Variants in KCNMB2 observed in about 807,000 individuals in gnomAD.
KCNMB2 encodes potassium calcium-activated channel subfamily M regulatory beta subunit 2, also known as calcium-activated potassium channel subunit beta-2.
KCNMB2 carries 9 observed loss-of-function variants against 24.5 expected under a neutral mutation model. That is an observed-to-expected ratio of 0.37 (90% CI 0.22 to 0.64). KCNMB2 has a LOEUF of 0.64. Ranked by LOEUF, KCNMB2 falls within the 30% of genes least tolerant of loss-of-function variation. The pLI is 0.63. For synonymous variants in KCNMB2, 109 were observed against 104.4 expected (o/e 1.04, Z -0.27); for missense variants, 226 against 284.3 (o/e 0.79, Z 1.47).
At chr3:178,642,944 G>A (rs758744426) in intron 1 of KCNMB2, among the ~76,000 whole-genome samples, 5 of 152,182 alleles carry the variant, frequency 3.3e-5, no homozygotes, top group Non-Finnish European at 5.9e-5. Flanking sequence ...TTCCCCACCT[G>A]CAGAAGACGT....
At chr3:178,542,063 T>C (rs1381331402) in intron 1 of KCNMB2, among the ~76,000 whole-genome samples, 2 of 152,198 alleles carry the variant, frequency 1.3e-5, no homozygotes, top group Non-Finnish European at 2.9e-5. Flanking sequence ...GGGCCACGTG[T>C]GTCAGGGATG....
rs1023775676 is a variant in KCNMB2, at chr3:178,705,932, G to T, written c.-67-101411G>T. ...AAACATAGACATAGAAGCGGAGGAAGAAAGGCACAAATGTAGAAGACATAC... is the reference window on the plus strand; with the variant it reads ...AAACATAGACATAGAAGCGGAGGAATAAAGGCACAAATGTAGAAGACATAC... On this transcript the variant is annotated intron_variant, in intron 1 of 4. Coordinates refer to ENST00000452583, the MANE Select transcript of KCNMB2 (RefSeq NM_181361.3). 1.5e-4 allele frequency among the ~76,000 whole-genome samples: 23 copies of T among 152,120 alleles called. 1 individual carries two copies. The highest frequency in any genetic ancestry group is 2.9e-5 in the Non-Finnish European group (2 of 68,002).
At chr3:178,611,712 A>G (rs879821630) in intron 1 of KCNMB2, among the ~76,000 whole-genome samples, 4 of 152,026 alleles carry the variant, frequency 2.6e-5, no homozygotes, top group Admixed American at 6.5e-5. Flanking sequence ...CTCACAAAAA[A>G]CAAACAAACA....
intron 1 of KCNMB2, among the ~76,000 whole-genome samples, chr3:178,745,694 T>A (rs1201153517): frequency 1.3e-5 from 2 of 152,188 alleles, no homozygotes; most frequent in African/African-American, 4.8e-5. Context: ...ACTTCCTAGA[T>A]ACAATGGGGG....
At chr3:178,815,226 A>C (rs1210633702) in intron 2 of KCNMB2, among the ~76,000 whole-genome samples, 1 of 151,980 alleles carries the variant, frequency 6.6e-6, no homozygotes, top group Non-Finnish European at 1.5e-5. Context: ...GCAGCCTTGA[A>C]ATCCTGGGCT....
At chr3:178,775,853 T>C (rs1337200933) in intron 1 of KCNMB2, among the ~76,000 whole-genome samples, 1 of 152,178 alleles carries the variant, frequency 6.6e-6, no homozygotes, top group Non-Finnish European at 1.5e-5. Flanking sequence ...TCTCTATGTA[T>C]CTCGAGGGAG....
chr3:178,654,989 A>G (rs1720269128), intron 1 of KCNMB2, among the ~76,000 whole-genome samples: 1 of 151,956 alleles, frequency 6.6e-6, no homozygotes, highest in Non-Finnish European at 1.5e-5. Flanking sequence ...AAATGAGATC[A>G]AATAAGGTTA....
At chr3:178,611,380 T>C (rs1196738489) in intron 1 of KCNMB2, among the ~76,000 whole-genome samples, 1 of 152,106 alleles carries the variant, frequency 6.6e-6, no homozygotes, top group Non-Finnish European at 1.5e-5. Flanking sequence ...TTTGTCCGGC[T>C]AAAGGTTGGT....
chr3:178,701,580 AAAC>A (rs1169318085), intron 1 of KCNMB2, among the ~76,000 whole-genome samples: 3 of 149,618 alleles, frequency 2.0e-5, no homozygotes, highest in Admixed American at 6.6e-5. Context: ...AGAAAAAAAC[AAAC>A]AACCCCATCA....
At chr3:178,641,864 T>C (rs1437713062) in intron 1 of KCNMB2, among the ~76,000 whole-genome samples, 1 of 152,160 alleles carries the variant, frequency 6.6e-6, no homozygotes, top group East Asian at 1.9e-4. Context: ...TTATCATGAA[T>C]GGGTAAATCT....
intron 1 of KCNMB2, among the ~76,000 whole-genome samples, chr3:178,616,168 C>A (rs1298926705): frequency 1.3e-5 from 2 of 152,248 alleles, no homozygotes; most frequent in South Asian, 2.1e-4. Context: ...CCCTTGGCAG[C>A]CCCAGCTGAT....
chr3:178,825,185 T>C (rs924767294), intron 2 of KCNMB2, among the ~76,000 whole-genome samples: 1 of 152,242 alleles, frequency 6.6e-6, no homozygotes, highest in African/African-American at 2.4e-5. Context: ...CAATGCTCCA[T>C]TAGGTATTCC....
At chr3:178,842,134 C>G (rs1451336055) in intron 4 of KCNMB2, among the ~76,000 whole-genome samples, 1 of 151,966 alleles carries the variant, frequency 6.6e-6, no homozygotes, top group African/African-American at 2.4e-5. Context: ...ATGACAGTTG[C>G]AAAGTAACCA....
At chr3:178,650,879 T>G (rs1720091317) in intron 1 of KCNMB2, among the ~76,000 whole-genome samples, 1 of 152,182 alleles carries the variant, frequency 6.6e-6, no homozygotes, top group East Asian at 1.9e-4. Flanking sequence ...CTAAAAACTC[T>G]CAATAAACTA....
chr3:178,655,095 CCT>C (rs67468527), intron 1 of KCNMB2, among the ~76,000 whole-genome samples: 14,330 of 110,756 alleles, frequency 0.13, 565 homozygotes, highest in East Asian at 0.19. Context: ...ATTAGCTCTC[CCT>C]CTCTCTCTCT....
chr3:178,752,128 A>C (rs1305008078), intron 1 of KCNMB2, among the ~76,000 whole-genome samples: 1 of 152,238 alleles, frequency 6.6e-6, no homozygotes, highest in East Asian at 1.9e-4. Flanking sequence ...ATATAGCTAC[A>C]AAGTTGAATT....
At chr3:178,763,518 G>A (rs1465813615) in intron 1 of KCNMB2, among the ~76,000 whole-genome samples, 2 of 152,120 alleles carry the variant, frequency 1.3e-5, no homozygotes, top group East Asian at 3.8e-4. Context: ...GGGAGATTCA[G>A]TAAGCTCAAA....
In KCNMB2 at chr3:178,562,516, G is replaced by A. The variant is rs77715010; in HGVS notation, c.-68+25805G>A. Among the ~76,000 whole-genome samples the A allele has an allele frequency of 6.7e-3, 1,014 of 152,302 alleles. 18 individuals carry two copies. Among genetic ancestry groups the A allele is most frequent in the African/African-American group, 0.023 (953 of 41,568 alleles). ...TAAGAAAAGAAACTTGGAGGGAAAT[G>A]CTGTGTTCTACAAACCCTCTCTTTT... On this transcript the variant is annotated intron_variant, in intron 1 of 4. Transcript: ENST00000452583.
intron 1 of KCNMB2, among the ~76,000 whole-genome samples, chr3:178,624,015 T>A (rs548733513): frequency 6.6e-6 from 1 of 152,316 alleles, no homozygotes; most frequent in Non-Finnish European, 1.5e-5. Context: ...CAGCTGCCCC[T>A]TTCAGTGCCT....
Sources: allele counts gnomAD v4.1 joint callset (sites outside exome capture counted in the v4.1 genomes callset), GRCh38; gene constraint gnomAD v4.1.1; transcripts MANE v1.5; gene names NCBI Gene and HGNC (gene_info 2026-07-23, HGNC 2026-07-21).